MASTL: variants seen among roughly 807,000 people sequenced by gnomAD.
The protein encoded by MASTL is serine/threonine-protein kinase greatwall.
In MASTL, 54 loss-of-function variants were observed where a neutral mutation model predicts 82.5. That is an observed-to-expected ratio of 0.65 (90% confidence interval 0.53 to 0.82). The LOEUF (loss-of-function observed/expected upper bound fraction) is 0.82, where lower values mean the gene tolerates loss of function less well. Among genes scored for constraint, MASTL ranks in the 40% least tolerant of loss-of-function variants. MASTL has a pLI of 0.00. For missense variants in MASTL, 950 were observed against 1,047.8 expected, an observed-to-expected ratio of 0.91 and a Z score of 1.29; for synonymous variants, 323 against 368.9, an observed-to-expected ratio of 0.88 and a Z score of 1.43.
chr10:27,173,508 T>A (rs1168028227), intron 9 of MASTL, among the ~76,000 whole-genome samples: 1 of 152,168 alleles, frequency 6.6e-6, no homozygotes, highest in Non-Finnish European at 1.5e-5. Context: ...TCTGGTTCAG[T>A]CTCAATGTTC....
Position 27,155,534 on chromosome 10 carries a change from C to T in MASTL, c.108C>T (p.Ser36=). 1 of 1,614,208 alleles carries T rather than the reference C, an allele frequency of 6.2e-7. No individual in the cohort carries two copies. Among genetic ancestry groups the T allele is most frequent in the Non-Finnish European group, 8.5e-7 (1 of 1,180,034 alleles). ...AACCGCCCTCCATTGAGGAATTCAG[C>T]ATAGTGAAGCCCATTAGCCGGGGCG... The part of the protein sequence containing the change: ...VPKPPSIEEF[S]IVKPISRGAF... The change falls in exon 1 of 12, where the codon AGC becomes AGT. Residue 36 remains serine, a synonymous_variant. Transcript: ENST00000375940.
rs139695329 is a variant in MASTL at position 27,170,374 on chromosome 10, A to G, written c.1415A>G (p.Glu472Gly). The change falls in exon 8 of 12, where the codon GAA (glutamate) becomes GGA (glycine). Residue 472 changes from glutamate to glycine, a missense_variant. Glu to Gly is a moderately conservative substitution (Grantham distance 98). Coordinates refer to ENST00000375940, the MANE Select transcript of MASTL (RefSeq NM_001172303.3). ...KKTCVEYKHN[E>G]MTNCYTNQNT... is the part of the protein sequence containing the mutation. ...ACTTGTGTAGAGTATAAGCATAACG[A>G]AATGACAAATTGTTATACAAATCAA... is the stretch of plus-strand genomic sequence containing the variant. The G allele has an allele frequency of 3.8e-4, 614 of 1,613,962 alleles. No homozygotes were observed. In the African/African-American group the frequency reaches 7.4e-3, roughly 19 times the overall value.
At chr10:27,173,649 C>T (rs991511050) in intron 9 of MASTL, among the ~76,000 whole-genome samples, 6 of 151,976 alleles carry the variant, frequency 3.9e-5, no homozygotes, top group South Asian at 2.1e-4. Flanking sequence ...GGTGCAATCT[C>T]GGCTCACTGC....
chr10:27,165,402 C>G lies in MASTL; in HGVS notation c.674C>G (p.Ala225Gly). The G allele has an allele frequency of 6.2e-7, 1 of 1,614,072 alleles. No individual in the cohort carries two copies. The highest frequency in any genetic ancestry group is 1.1e-5 in the South Asian group (1 of 91,082). The change falls in exon 6 of 12, where the codon GCA becomes GGA. Residue 225 changes from alanine to glycine, a missense_variant. Coordinates refer to ENST00000375940, the MANE Select transcript of MASTL (RefSeq NM_001172303.3). ...TCTTTTTAATAGAACACACCAATTG[C>G]AGAAAAAAATCAAGACCCTGCAAAC... ...ISSLGFNTPI[A>G]EKNQDPANIL...
intron 7 of MASTL, 135 bp from the exon 8 acceptor site, chr10:27,169,809 T>C: frequency 1.3e-6 from 1 of 769,498 alleles, no homozygotes; most frequent in South Asian, 1.8e-5. Context: ...CTGTTGTTTA[T>C]TTTTTCCATT....
chr10:27,177,379 C>T (rs2058134725), intron 9 of MASTL, among the ~76,000 whole-genome samples: 1 of 152,120 alleles, frequency 6.6e-6, no homozygotes, highest in African/African-American at 2.4e-5. Context: ...TTATCTCTAA[C>T]TTAGGACACA....
intron 4 of MASTL, among the ~76,000 whole-genome samples, chr10:27,163,626 T>G (rs1303842339): frequency 6.6e-6 from 1 of 151,882 alleles, no homozygotes; most frequent in African/African-American, 2.4e-5. Flanking sequence ...TTATTTGTTT[T>G]TTTTTTTTTT....
At chr10:27,184,886 G>A (rs889542172) in intron 11 of MASTL, among the ~76,000 whole-genome samples, 1 of 152,024 alleles carries the variant, frequency 6.6e-6, no homozygotes, top group African/African-American at 2.4e-5. Flanking sequence ...ATTTTACTAG[G>A]TAGAAGGAAA....
In MASTL at chr10:27,170,868, G is replaced by C; in HGVS notation, c.1909G>C (p.Gly637Arg). 6.2e-7 allele frequency: 1 copy of C among 1,614,144 alleles called. No individual in the cohort carries two copies. The highest frequency in any genetic ancestry group is 8.5e-7 in the Non-Finnish European group (1 of 1,180,018). Reference protein sequence around the residue: ...AVQESNQKMLGPPLEVLKTLA... With the variant: ...AVQESNQKMLRPPLEVLKTLA... The stretch of plus-strand genomic sequence containing the variant: ...ACAAGAGAGTAACCAAAAAATGTTA[G>C]GTCCTCCTTTGGAGGTGCTGAAAAC... The change falls in exon 8 of 12, where the codon GGT becomes CGT. Residue 637 changes from glycine (G) to arginine (R), a missense_variant. By Grantham distance (125) the Gly-to-Arg change is moderately radical (BLOSUM62 -2). Coordinates refer to ENST00000375940, the MANE Select transcript of MASTL (RefSeq NM_001172303.3).
intron 11 of MASTL, among the ~76,000 whole-genome samples, chr10:27,182,030 G>A (rs1261411482): frequency 2.7e-5 from 4 of 148,646 alleles, no homozygotes; most frequent in Non-Finnish European, 5.9e-5. Context: ...AGCCAAGATT[G>A]TGCCACTGCA....
chr10:27,157,677 C>A (rs994945537), intron 1 of MASTL, among the ~76,000 whole-genome samples: 6 of 152,008 alleles, frequency 3.9e-5, no homozygotes, highest in Admixed American at 3.9e-4. Flanking sequence ...AGTGCTCCAA[C>A]TTTAATAGTT....
At chr10:27,156,446 A>G (rs2057383460) in intron 1 of MASTL, among the ~76,000 whole-genome samples, 1 of 152,228 alleles carries the variant, frequency 6.6e-6, no homozygotes, top group African/African-American at 2.4e-5. Flanking sequence ...GTAGGCACTG[A>G]TAACTTTTTA....
chr10:27,154,990 C>T, upstream of MASTL: 1 of 183,170 alleles, frequency 5.5e-6, no homozygotes, highest in Non-Finnish European at 1.1e-5. Flanking sequence ...TCAGCCCTGG[C>T]CCTCGCTTTA....
At chr10:27,168,742 G>C (rs549678853) in intron 7 of MASTL, among the ~76,000 whole-genome samples, 2 of 152,026 alleles carry the variant, frequency 1.3e-5, no homozygotes, top group Admixed American at 6.6e-5. Flanking sequence ...GCTTGAACCC[G>C]GGAGGCAGAG....
chr10:27,154,550 AC>A, upstream of MASTL: 1 of 411,602 alleles, frequency 2.4e-6, no homozygotes, highest in Non-Finnish European at 4.3e-6. Flanking sequence ...AACAGCCTTT[AC>A]CCTCTTTGGA....
Position 27,180,971 on chromosome 10 carries a change from G to A in MASTL, c.2285G>A (p.Trp762Ter). 1 of 1,611,946 alleles carries A rather than the reference G, an allele frequency of 6.2e-7. No homozygotes were observed. The highest frequency in any genetic ancestry group is 8.5e-7 in the Non-Finnish European group (1 of 1,177,988). The change falls in exon 10 of 12, where the codon TGG (tryptophan) becomes TAG (stop). Residue 762 changes from tryptophan (W) to a stop codon, truncating the protein, a stop_gained. Transcript: ENST00000375940. LOFTEE classifies it high-confidence loss of function. The part of the protein sequence containing the change: ...GRAHGPAVDW[W>*]ALGVCLFEFL... Reference sequence around the variant, plus strand: ...ATTACAGGTCCTGCGGTAGACTGGTGGGCACTTGGAGTTTGCTTGTTTGAA... The same window carrying A: ...ATTACAGGTCCTGCGGTAGACTGGTAGGCACTTGGAGTTTGCTTGTTTGAA...
rs1588652215 is a variant in MASTL at position 27,159,937 on chromosome 10, T to C, written c.464+179T>C. Among the ~76,000 whole-genome samples the C allele has an allele frequency of 6.6e-6, 1 of 152,194 alleles. No individual in the cohort carries two copies. The highest frequency in any genetic ancestry group is 2.4e-5 in the African/African-American group (1 of 41,460). ...TCATCTCCCTGTGTTTTTTAAAATA[T>C]ATTGCTTTGAACATGAGTATAGCAT... is the stretch of plus-strand genomic sequence containing the variant. On this transcript the variant is annotated intron_variant, in intron 3 of 11. Coordinates refer to ENST00000375940, the MANE Select transcript of MASTL (RefSeq NM_001172303.3). This position sits in a 1 kb window ranked among gnomAD's most constrained non-coding sequence, Gnocchi z 4.0.
chr10:27,180,338 C>T (rs749753516), intron 9 of MASTL, among the ~76,000 whole-genome samples: 2 of 152,220 alleles, frequency 1.3e-5, no homozygotes, highest in Non-Finnish European at 2.9e-5. Flanking sequence ...CCGCATGCTG[C>T]GCTGATAATG....
intron 9 of MASTL, among the ~76,000 whole-genome samples, chr10:27,175,722 C>G (rs1023775316): frequency 2.0e-5 from 3 of 152,078 alleles, no homozygotes; most frequent in African/African-American, 4.8e-5. Context: ...GTCTCTAATC[C>G]TGACTTTCTC....
Sources: gnomAD v4.1 joint callset for allele counts (sites outside exome capture counted in the v4.1 genomes callset) on GRCh38, gnomAD v4.1.1 for gene constraint, Gnocchi (gnomAD v3.1) non-coding constraint, MANE v1.5 for transcripts, NCBI Gene and HGNC (gene_info 2026-07-23, HGNC 2026-07-21) for gene names.